Variants in NCOA4 observed in about 807,000 individuals in gnomAD.
NCOA4 encodes nuclear receptor coactivator 4.
A neutral mutation model predicts 69.5 loss-of-function variants in NCOA4; 31 were observed. That is an observed-to-expected ratio of 0.45 (90% CI 0.34 to 0.60). The LOEUF is 0.60. NCOA4 is among the 20% of genes least tolerant of loss of function. The probability of loss-of-function intolerance (pLI) is 0.02; values close to 1 mark genes in which losing one functional copy is unlikely to be tolerated. For missense variants in NCOA4, 600 were observed against 719.2 expected, an observed-to-expected ratio of 0.83 and a Z score of 1.90; for synonymous variants, 228 against 252.4, an observed-to-expected ratio of 0.90 and a Z score of 0.92.
chr10:46,027,061 G>A (rs1394748927), intron 1 of NCOA4, among the ~76,000 whole-genome samples: 1 of 152,140 alleles, frequency 6.6e-6, no homozygotes, highest in African/African-American at 2.4e-5. Flanking sequence ...GTCAGGTCAG[G>A]AGATCAAGAC....
rs782003592 is a variant in NCOA4, at chr10:46,012,991, G to A, written c.606C>T (p.Ser202=). The A allele has an allele frequency of 2.2e-5, 35 of 1,614,096 alleles. No individual in the cohort carries two copies. The highest frequency in any genetic ancestry group is 2.6e-5 in the Non-Finnish European group (31 of 1,179,992). The change falls in exon 7 of 10, where the codon AGC becomes AGT. Residue 202 remains serine, a synonymous_variant. Coordinates refer to ENST00000581486, the MANE Select transcript of NCOA4 (RefSeq NM_001145263.2). Reference sequence around the variant, plus strand: ...CAGGTTTGCTTCCAAGGAGCCATTCGCTGAAAGGGACAGCTACAATACCGG... The same window carrying A: ...CAGGTTTGCTTCCAAGGAGCCATTCACTGAAAGGGACAGCTACAATACCGG... ...SASGIVAVPF[S]EWLLGSKPAS...
chr10:46,023,208 G>A lies in NCOA4; in HGVS notation c.-14-6514C>T, dbSNP rs989216872. The A allele has an allele frequency of 4.3e-6, 4 of 931,056 alleles. No homozygotes were observed. The African/African-American group carries it at 5.3e-5, about 12-fold the overall frequency. The allele number at this position is 931,056 out of a possible 1,614,324, so 57.7% of individuals were successfully genotyped here. On this transcript the variant is annotated intron_variant, in intron 1 of 9. Transcript: ENST00000581486. ...CCTCAGGAGCCCTTGCCCTCGCCCCGGTCGCCGATTCGCACGCAGTTGTGC... is the reference window on the plus strand; with the variant it reads ...CCTCAGGAGCCCTTGCCCTCGCCCCAGTCGCCGATTCGCACGCAGTTGTGC...
At chr10:46,028,367 G>A (rs1448222151) in intron 1 of NCOA4, among the ~76,000 whole-genome samples, 7 of 151,948 alleles carry the variant, frequency 4.6e-5, no homozygotes, top group African/African-American at 7.3e-5. Context: ...TCCACATGGC[G>A]GGGACTTTGT....
intron 9 of NCOA4, chr10:46,008,978 G>T: frequency 1.8e-6 from 1 of 564,806 alleles, no homozygotes; most frequent in South Asian, 2.4e-5. Context: ...TATGTACATT[G>T]GTTTCTTCTT....
chr10:46,016,782 AACTCCCATTACTAACT>A (rs1839580312), intron 1 of NCOA4, 88 bp from the exon 2 acceptor site: 1 of 920,740 alleles, frequency 1.1e-6, no homozygotes, highest in South Asian at 4.0e-5. Context: ...CATTCCAGCC[AACTCCCATTACTAACT>A]ACTTAGATTA....
chr10:46,017,858 A>G (rs1467705691), intron 1 of NCOA4, among the ~76,000 whole-genome samples: 1 of 152,236 alleles, frequency 6.6e-6, no homozygotes, highest in African/African-American at 2.4e-5. Flanking sequence ...CTGCAAGAAC[A>G]ATGACATGAT....
chr10:46,013,185 G>C (rs958557960), intron 6 of NCOA4, among the ~76,000 whole-genome samples, 159 bp from the exon 7 acceptor site: 1 of 152,272 alleles, frequency 6.6e-6, no homozygotes, highest in Admixed American at 6.5e-5. Context: ...ACACACAGCT[G>C]ATCTCTAGGG....
At chr10:46,020,917 A>G (rs991130349) in intron 1 of NCOA4, among the ~76,000 whole-genome samples, 56 of 152,340 alleles carry the variant, frequency 3.7e-4, no homozygotes, top group African/African-American at 1.3e-3. Flanking sequence ...TTGAGACAAC[A>G]TTAAAAGTTT....
intron 7 of NCOA4, 92 bp downstream of exon 7, chr10:46,012,789 CAA>C: frequency 7.6e-7 from 1 of 1,312,746 alleles, no homozygotes; most frequent in Non-Finnish European, 1.0e-6. Flanking sequence ...AGACTGCAAC[CAA>C]AAAGTTAACA....
intron 1 of NCOA4, among the ~76,000 whole-genome samples, chr10:46,022,828 C>T (rs1161199008): frequency 6.6e-6 from 1 of 152,154 alleles, no homozygotes; most frequent in Non-Finnish European, 1.5e-5. Context: ...TTAGCCCCAG[C>T]CCATTTTAAA....
At chr10:46,019,855 C>A (rs1464172571) in intron 1 of NCOA4, among the ~76,000 whole-genome samples, 1 of 152,188 alleles carries the variant, frequency 6.6e-6, no homozygotes, top group African/African-American at 2.4e-5. Context: ...GAGAACTCAT[C>A]TGTCAGCCAC....
intron 1 of NCOA4, among the ~76,000 whole-genome samples, chr10:46,028,243 G>A (rs1207509324): frequency 6.6e-6 from 1 of 152,018 alleles, no homozygotes; most frequent in Non-Finnish European, 1.5e-5. Flanking sequence ...TAAAAGTCTT[G>A]CCTCCAATCC....
intron 7 of NCOA4, among the ~76,000 whole-genome samples, chr10:46,011,434 A>AT (rs75048856): frequency 2.2e-3 from 315 of 145,450 alleles, no homozygotes; most frequent in Middle Eastern, 7.2e-3. Flanking sequence ...CGCCCAGCTA[A>AT]TTTTTTTTTT....
At chr10:46,027,525 A>G in intron 1 of NCOA4, 1 of 1,503,100 alleles carries the variant, frequency 6.7e-7, no homozygotes, top group Non-Finnish European at 9.0e-7. Context: ...GTGTCCAGAC[A>G]TAACTGTATG....
At position 46,006,389 on chromosome 10, in the gene NCOA4, T is replaced by G; in HGVS notation, c.*203A>C. On this transcript the variant is annotated 3_prime_UTR_variant, in exon 10 of 10. Transcript: ENST00000581486. ...GTAAGAAGGAGGGAACTGAATCACCTCAGCATGAATAAACAGCATTTTTCT... is the reference window on the plus strand; with the variant it reads ...GTAAGAAGGAGGGAACTGAATCACCGCAGCATGAATAAACAGCATTTTTCT... 3.4e-6 allele frequency: 2 copies of G among 589,318 alleles called. No individual in the cohort carries two copies. Among genetic ancestry groups the G allele is most frequent in the Non-Finnish European group, 6.2e-6 (2 of 324,496 alleles). The allele number at this position is 589,318 out of a possible 1,614,324, so 36.5% of individuals were successfully genotyped here.
chr10:46,012,771 A>G, intron 7 of NCOA4, 112 bp downstream of exon 7: 1 of 1,028,930 alleles, frequency 9.7e-7, no homozygotes. Context: ...ATTAATAAAT[A>G]TGTTTCCAGA....
chr10:46,016,522 G>GA lies in NCOA4; in HGVS notation c.141+17dup, dbSNP rs1839558774. ...TGTCAAGAGTCCAGACAACAGAAGA[G>GA]AAAAGCACATGTCACACCTCTCGCA... On this transcript the variant is annotated intron_variant, in intron 2 of 9. Coordinates refer to ENST00000581486, the MANE Select transcript of NCOA4 (RefSeq NM_001145263.2). The GA allele has an allele frequency of 1.4e-6, 2 of 1,451,078 alleles. No homozygotes were observed. Among genetic ancestry groups the GA allele is most frequent in the Admixed American group, 4.1e-5 (2 of 48,200 alleles). The allele number at this position is 1,451,078 out of a possible 1,614,324, so 89.9% of individuals were successfully genotyped here. A position where few individuals can be genotyped will look rare whatever the true frequency, so the allele number is the denominator to read the frequency against.
Position 46,013,129 on chromosome 10 carries a change from C to T in NCOA4, c.571-103G>A, listed in dbSNP as rs191982280. On this transcript the variant is annotated intron_variant, in intron 6 of 9. Transcript: ENST00000581486. ...GGCTTGCCACTGACCCTGGGCAAAT[C>T]ATGTGCCTTCCAAGAGCCTCAATTT... 9.5e-5 allele frequency: 102 copies of T among 1,073,944 alleles called. No homozygotes were observed. The African/African-American group carries it at 1.5e-3, about 16-fold the overall frequency. 66.5% of individuals were successfully genotyped at this position (1,073,944 alleles called of 1,614,324 possible). A position where few individuals can be genotyped will look rare whatever the true frequency, so the allele number is the denominator to read the frequency against.
In NCOA4 at chr10:46,006,012, T is replaced by C; in HGVS notation, c.*580A>G. On this transcript the variant is annotated 3_prime_UTR_variant, in exon 10 of 10. Coordinates refer to ENST00000581486, the MANE Select transcript of NCOA4 (RefSeq NM_001145263.2). ...AGAATAATGTAGAACTAACGTGGGC[T>C]AAAATGTTTCATAATTAATGTCAAA... 4.9e-6 allele frequency: 1 copy of C among 205,944 alleles called. No homozygotes were observed. The highest frequency in any genetic ancestry group is 9.9e-6 in the Non-Finnish European group (1 of 100,766). 12.8% of individuals were successfully genotyped at this position (205,944 alleles called of 1,614,324 possible).
Sources: allele counts gnomAD v4.1 joint callset (sites outside exome capture counted in the v4.1 genomes callset), GRCh38; gene constraint gnomAD v4.1.1; transcripts MANE v1.5; gene names NCBI Gene and HGNC (gene_info 2026-07-23, HGNC 2026-07-21).